SPIN1: variants seen among roughly 807,000 people sequenced by gnomAD.
The protein encoded by SPIN1 is spindlin 1, also known as spindlin-1.
A neutral mutation model predicts 26.0 loss-of-function variants in SPIN1; 3 were observed. The observed-to-expected ratio is 0.12, with a 90% confidence interval of 0.05 to 0.30. SPIN1 has a LOEUF of 0.30. Among genes scored for constraint, SPIN1 ranks in the 10% least tolerant of loss-of-function variants. SPIN1 has a pLI of 1.00. For missense variants in SPIN1, 126 were observed against 333.4 expected, an observed-to-expected ratio of 0.38 and a Z score of 4.84; for synonymous variants, 101 against 116.5, an observed-to-expected ratio of 0.87 and a Z score of 0.86.
chr9:88,405,555 T>TTC (rs1827281903), intron 1 of SPIN1, among the ~76,000 whole-genome samples: 1 of 142,500 alleles, frequency 7.0e-6, no homozygotes, highest in African/African-American at 2.7e-5. Flanking sequence ...TTTTTTTTTT[T>TTC]TCCCTGAGAC....
At chr9:88,409,358 CTG>C (rs535911102) in intron 1 of SPIN1, among the ~76,000 whole-genome samples, 3 of 151,442 alleles carry the variant, frequency 2.0e-5, no homozygotes, top group Non-Finnish European at 4.4e-5. Flanking sequence ...CTTGTTGGCT[CTG>C]TGTGTGTGTA....
intron 5 of SPIN1, among the ~76,000 whole-genome samples, chr9:88,471,648 C>CT (rs766224252): frequency 3.0e-3 from 252 of 84,010 alleles, no homozygotes; most frequent in Middle Eastern, 0.012. Context: ...GAGCGAGACT[C>CT]TGTCTCAAAA....
chr9:88,410,193 CTTTT>C (rs112040783), intron 1 of SPIN1, among the ~76,000 whole-genome samples: 4 of 132,378 alleles, frequency 3.0e-5, no homozygotes, highest in Non-Finnish European at 6.4e-5. Context: ...GTGTGTGCAA[CTTTT>C]TTTTTTTTTA....
intron 3 of SPIN1, among the ~76,000 whole-genome samples, chr9:88,450,960 G>A (rs912980065): frequency 1.3e-5 from 2 of 152,156 alleles, no homozygotes; most frequent in Admixed American, 6.5e-5. Flanking sequence ...GAAGCCTGAT[G>A]GAGCTTGGCT....
chr9:88,433,811 CAAAG>C lies in SPIN1; in HGVS notation c.52+7230_52+7233del, dbSNP rs3838735. On this transcript the variant is annotated intron_variant, in intron 2 of 5. Coordinates refer to ENST00000375859, the MANE Select transcript of SPIN1 (RefSeq NM_006717.3). ...CTTGGTGGACTCTCAGTGAAATTTT[CAAAG>C]AAAGAAAGATACGGTAAGTCCTCAC... Among the ~76,000 whole-genome samples, 310 of 152,082 alleles carry C rather than the reference CAAAG, an allele frequency of 2.0e-3. 5 individuals are homozygous for C. The East Asian group carries it at 0.042, about 20-fold the overall frequency.
rs552826379 is a variant in SPIN1 at position 88,445,518 on chromosome 9, T to A, written c.53-3423T>A. The stretch of plus-strand genomic sequence containing the variant: ...AGATTTTCTTAAATGTATTGAGACT[T>A]TTATTATTATTATTATTATTATTAT... On this transcript the variant is annotated intron_variant, in intron 2 of 5. Transcript: ENST00000375859. 1.0e-4 allele frequency among the ~76,000 whole-genome samples: 14 copies of A among 134,604 alleles called. No individual in the cohort carries two copies. In the East Asian group the frequency reaches 1.1e-3, roughly 11 times the overall value. The allele number at this position is 134,604 out of a possible 152,430, so 88.3% of individuals were successfully genotyped here. A position where few individuals can be genotyped will look rare whatever the true frequency, so the allele number is the denominator to read the frequency against.
intron 1 of SPIN1, among the ~76,000 whole-genome samples, chr9:88,412,043 G>C (rs1313838000): frequency 6.6e-6 from 1 of 151,776 alleles, no homozygotes; most frequent in Middle Eastern, 3.4e-3. Flanking sequence ...GCTGGGCCTT[G>C]TGGTGGGCGC....
intron 2 of SPIN1, among the ~76,000 whole-genome samples, chr9:88,432,664 C>T (rs1827905440): frequency 6.7e-6 from 1 of 148,164 alleles, no homozygotes; most frequent in Admixed American, 6.7e-5. Context: ...TTTCTTTTTT[C>T]TTTCAGTAGA....
chr9:88,405,607 G>A (rs1051662947), intron 1 of SPIN1, among the ~76,000 whole-genome samples: 1 of 136,578 alleles, frequency 7.3e-6, no homozygotes, highest in Non-Finnish European at 1.5e-5. Flanking sequence ...GCAGTGGCGC[G>A]ACCTCATCTC....
chr9:88,415,457 C>CT (rs1348366546), intron 1 of SPIN1: 1 of 152,184 alleles, frequency 6.6e-6, no homozygotes, highest in Non-Finnish European at 1.5e-5. Flanking sequence ...AGGTCTTGCT[C>CT]TGTCACCCAG....
At chr9:88,430,882 T>C (rs1174844261) in intron 2 of SPIN1, among the ~76,000 whole-genome samples, 1 of 146,532 alleles carries the variant, frequency 6.8e-6, no homozygotes, top group African/African-American at 2.6e-5. Context: ...ATATATTTTT[T>C]CTTTTTTTTT....
rs1391110909 is a variant in SPIN1 at position 88,476,732 on chromosome 9, CATTTT to C, written c.*1456_*1460del. 6.6e-6 allele frequency: 1 copy of C among 152,202 alleles called. No homozygotes were observed. The highest frequency in any genetic ancestry group is 1.5e-5 in the Non-Finnish European group (1 of 68,050). The allele number at this position is 152,202 out of a possible 1,614,324, so 9.4% of individuals were successfully genotyped here. On this transcript the variant is annotated 3_prime_UTR_variant, in exon 6 of 6. Coordinates refer to ENST00000375859, the MANE Select transcript of SPIN1 (RefSeq NM_006717.3). ...GGTTGATCAGCAAAACAGCTGCTCTCATTTTGTTTTGGAGGAACCCTGGTGGTTTG... is the reference window on the plus strand; with the variant it reads ...GGTTGATCAGCAAAACAGCTGCTCTCGTTTTGGAGGAACCCTGGTGGTTTG...
intron 2 of SPIN1, among the ~76,000 whole-genome samples, chr9:88,440,064 T>C (rs1394173774): frequency 2.0e-5 from 3 of 152,192 alleles, no homozygotes; most frequent in African/African-American, 7.2e-5. Flanking sequence ...TGCTTTCCAC[T>C]CTTTTCTGCC....
chr9:88,420,267 C>T (rs934342350), intron 1 of SPIN1, among the ~76,000 whole-genome samples: 12 of 152,140 alleles, frequency 7.9e-5, no homozygotes, highest in Admixed American at 6.5e-4. Context: ...CCCAGCTCCT[C>T]GGAAGGCTTA....
At chr9:88,413,236 T>C (rs1306502189) in intron 1 of SPIN1, among the ~76,000 whole-genome samples, 1 of 149,522 alleles carries the variant, frequency 6.7e-6, no homozygotes, top group Non-Finnish European at 1.5e-5. Context: ...CTGGCTAATT[T>C]TTGTAGAGAT....
intron 1 of SPIN1, among the ~76,000 whole-genome samples, chr9:88,389,139 C>T (rs955822630): frequency 6.6e-6 from 1 of 152,128 alleles, no homozygotes; most frequent in Admixed American, 6.5e-5. Flanking sequence ...CCGCGGTTCG[C>T]GGCGCCGGAA....
At chr9:88,423,812 C>A (rs566430165) in intron 1 of SPIN1, among the ~76,000 whole-genome samples, 2 of 151,382 alleles carry the variant, frequency 1.3e-5, no homozygotes, top group African/African-American at 4.9e-5. Flanking sequence ...GTCATCCAGG[C>A]TGGAGTGCAG....
rs540763512 is a variant in SPIN1, at chr9:88,462,045, A to G, written c.102-451A>G. On this transcript the variant is annotated intron_variant, in intron 3 of 5. Transcript: ENST00000375859. ...GGCACGGGAATGGGTGAAATTGAATAGTTACACATTTCTTTTTAACTTGAA... is the reference window on the plus strand; with the variant it reads ...GGCACGGGAATGGGTGAAATTGAATGGTTACACATTTCTTTTTAACTTGAA... Among the ~76,000 whole-genome samples the G allele has an allele frequency of 1.8e-4, 27 of 152,358 alleles. No individual in the cohort carries two copies. In the South Asian group the frequency reaches 2.9e-3, roughly 16 times the overall value.
At chr9:88,430,598 C>G (rs1827849435) in intron 2 of SPIN1, among the ~76,000 whole-genome samples, 1 of 152,154 alleles carries the variant, frequency 6.6e-6, no homozygotes, top group Non-Finnish European at 1.5e-5. Flanking sequence ...CTGTCTTTAA[C>G]ATAGAGGGTG....
Sources: gnomAD v4.1 joint callset for allele counts (sites outside exome capture counted in the v4.1 genomes callset) on GRCh38, gnomAD v4.1.1 for gene constraint, MANE v1.5 for transcripts, NCBI Gene and HGNC (gene_info 2026-07-23, HGNC 2026-07-21) for gene names.